The following NUP98 variants were observed in gnomAD, a reference collection of about 807,000 sequenced individuals.
NUP98 encodes nuclear pore complex protein Nup98-Nup96.
A neutral mutation model predicts 191.9 loss-of-function variants in NUP98; 26 were observed. The observed-to-expected ratio is 0.14, with a 90% confidence interval of 0.10 to 0.19. NUP98 has a LOEUF of 0.19. Ranked by LOEUF, NUP98 falls within the 10% of genes least tolerant of loss-of-function variation. The pLI is 1.00. For synonymous variants in NUP98, 808 were observed against 778.4 expected (o/e 1.04, Z -0.63); for missense variants, 1,941 against 2,178.8 (o/e 0.89, Z 2.17).
At chr11:3,682,138 C>T (rs181466636) in intron 30 of NUP98, among the ~76,000 whole-genome samples, 3 of 152,206 alleles carry the variant, frequency 2.0e-5, no homozygotes, top group Admixed American at 6.5e-5. Context: ...TCAGCCTTCA[C>T]AGAACTGAAG....
At chr11:3,739,093 A>T (rs2080182854) in intron 12 of NUP98, among the ~76,000 whole-genome samples, 1 of 152,226 alleles carries the variant, frequency 6.6e-6, no homozygotes, top group South Asian at 2.1e-4. Flanking sequence ...AGGCACACAA[A>T]TTTAATATTA....
At position 3,753,300 on chromosome 11, in the gene NUP98, G is replaced by C. The variant is rs756300744; in HGVS notation, c.1267+16C>G. 6.3e-7 allele frequency: 1 copy of C among 1,595,000 alleles called. No homozygotes were observed. The highest frequency in any genetic ancestry group is 8.6e-7 in the Non-Finnish European group (1 of 1,162,734). ...AGCTGTGTCACTTCCTAGATCTCAT[G>C]GTAGCAGTTTCTTACCTGTTCCAAA... On this transcript the variant is annotated intron_variant, in intron 11 of 32. Transcript: ENST00000324932.
intron 10 of NUP98, among the ~76,000 whole-genome samples, chr11:3,756,918 T>C (rs1396756087): frequency 6.6e-6 from 1 of 151,296 alleles, no homozygotes; most frequent in Non-Finnish European, 1.5e-5. Context: ...AAACCCCGTC[T>C]CTATTAAGAA....
intron 4 of NUP98, among the ~76,000 whole-genome samples, chr11:3,776,793 A>G (rs1175055080): frequency 7.6e-3 from 1 of 132 alleles, no homozygotes; most frequent in Non-Finnish European, 0.017. Flanking sequence ...TGCCCGGCCC[A>G]AATAGAAATT....
intron 7 of NUP98, among the ~76,000 whole-genome samples, chr11:3,771,122 C>T (rs2081517763): frequency 6.6e-6 from 1 of 152,204 alleles, no homozygotes; most frequent in African/African-American, 2.4e-5. Context: ...CTTGGCCTCC[C>T]AAAGTGCTAG....
At chr11:3,794,882 G>A (rs2082476843) in intron 1 of NUP98, among the ~76,000 whole-genome samples, 1 of 152,210 alleles carries the variant, frequency 6.6e-6, no homozygotes, top group African/African-American at 2.4e-5. Flanking sequence ...TGAAGTGCTG[G>A]GATTACAGTA....
chr11:3,724,504 G>A (rs547186679), intron 15 of NUP98, among the ~76,000 whole-genome samples: 1 of 150,952 alleles, frequency 6.6e-6, no homozygotes, highest in African/African-American at 2.4e-5. Flanking sequence ...AAGAATCACT[G>A]TACAAGGCTG....
chr11:3,770,756 A>G (rs915411905), intron 7 of NUP98, among the ~76,000 whole-genome samples: 3 of 152,204 alleles, frequency 2.0e-5, no homozygotes, highest in Admixed American at 6.6e-5. Context: ...ATTTTTGTCA[A>G]GTAATCATCA....
At chr11:3,735,531 G>C (rs186507546) in intron 12 of NUP98, among the ~76,000 whole-genome samples, 1 of 152,094 alleles carries the variant, frequency 6.6e-6, no homozygotes, top group Non-Finnish European at 1.5e-5. Flanking sequence ...AATTTAGGAA[G>C]AGACATTTCA....
intron 8 of NUP98, among the ~76,000 whole-genome samples, chr11:3,764,328 CA>C (rs958882851): frequency 2.0e-5 from 3 of 152,184 alleles, no homozygotes; most frequent in African/African-American, 7.2e-5. Flanking sequence ...GCATATACCA[CA>C]ATTGGTTACC....
Position 3,782,082 on chromosome 11 carries a change from AC to A in NUP98, c.35del (p.Gly12ValfsTer171). The A allele has an allele frequency of 6.2e-7, 1 of 1,613,098 alleles. No homozygotes were observed. Among genetic ancestry groups the A allele is most frequent in the Non-Finnish European group, 8.5e-7 (1 of 1,179,600 alleles). ...FNKSFGTPFG[G>X]GTGGFGTTST... ...AAGTTGTGCCAAAGCCACCTGTGCCACCCCCAAAGGGTGTTCCAAATGATTT... is the reference window on the plus strand; with the variant it reads ...AAGTTGTGCCAAAGCCACCTGTGCCACCCCAAAGGGTGTTCCAAATGATTT... On this transcript the variant is annotated frameshift_variant, in exon 2 of 33. Transcript: ENST00000324932. LOFTEE classifies it high-confidence loss of function.
rs1300761535 is a variant in NUP98, at chr11:3,720,753, T to G, written c.2219A>C (p.Lys740Thr). The change falls in exon 17 of 33, where the codon AAA becomes ACA. Residue 740 changes from lysine to threonine, a missense_variant. Coordinates refer to ENST00000324932, the MANE Select transcript of NUP98 (RefSeq NM_016320.5). ...MDDLAKITNE[K>T]GECIVSDFTI... ...GAAATCAGAGACAATGCACTCTCCT[T>G]TTTCATTGGTAATTTTAGCAAGGTC... The G allele has an allele frequency of 6.2e-7, 1 of 1,604,982 alleles. No individual in the cohort carries two copies. Among genetic ancestry groups the G allele is most frequent in the Non-Finnish European group, 8.5e-7 (1 of 1,172,582 alleles).
intron 23 of NUP98, among the ~76,000 whole-genome samples, chr11:3,701,433 TGTAATTTTA>T: frequency 6.6e-6 from 1 of 151,964 alleles, no homozygotes. Context: ...GGCTAATTTT[TGTAATTTTA>T]GTAGAGACAG....
chr11:3,683,587 G>T, intron 29 of NUP98, 146 bp from the exon 30 acceptor site: 2 of 819,622 alleles, frequency 2.4e-6, no homozygotes, highest in Non-Finnish European at 3.7e-6. Flanking sequence ...TGCCCAGGCT[G>T]GAGTGCAATG....
chr11:3,706,691 A>C, intron 20 of NUP98, 64 bp from the exon 21 acceptor site: 1 of 1,426,782 alleles, frequency 7.0e-7, no homozygotes, highest in Non-Finnish European at 9.8e-7. Context: ...TAGATTCTAA[A>C]TCAGATTTAC....
At chr11:3,710,566 T>C (rs2079000182) in intron 20 of NUP98, among the ~76,000 whole-genome samples, 2 of 151,656 alleles carry the variant, frequency 1.3e-5, no homozygotes, top group South Asian at 4.2e-4. Context: ...GAAGCTGAAG[T>C]TTTGCAATCA....
chr11:3,773,033 G>C (rs970897039), intron 6 of NUP98, among the ~76,000 whole-genome samples: 2 of 151,980 alleles, frequency 1.3e-5, no homozygotes, highest in South Asian at 4.1e-4. Context: ...GCTGTACTTT[G>C]CATAATTTTA....
chr11:3,718,993 G>A (rs562014297), intron 18 of NUP98, among the ~76,000 whole-genome samples: 162 of 151,242 alleles, frequency 1.1e-3, no homozygotes, highest in African/African-American at 3.1e-3. Flanking sequence ...GGTGGCGGGC[G>A]CCTACAATCC....
At chr11:3,769,367 G>A (rs1415276217) in intron 7 of NUP98, among the ~76,000 whole-genome samples, 4 of 151,926 alleles carry the variant, frequency 2.6e-5, no homozygotes, top group East Asian at 3.9e-4. Flanking sequence ...TTGAGGCAGC[G>A]GGGAGCTGTG....
Sources: gnomAD v4.1 joint callset for allele counts (sites outside exome capture counted in the v4.1 genomes callset) on GRCh38, gnomAD v4.1.1 for gene constraint, MANE v1.5 for transcripts, NCBI Gene and HGNC (gene_info 2026-07-23, HGNC 2026-07-21) for gene names.